Variants in PPRC1 observed in about 807,000 individuals in gnomAD.
The protein encoded by PPRC1 is PPARG related coactivator 1.
Under a neutral mutation model 132.5 loss-of-function variants are expected in PPRC1, and 23 were observed. The observed-to-expected ratio is 0.17, with a 90% CI of 0.12 to 0.25. PPRC1 has a LOEUF of 0.25. Ranked by LOEUF, PPRC1 falls within the 10% of genes least tolerant of loss-of-function variation. PPRC1 has a pLI of 1.00. For synonymous variants in PPRC1, 872 were observed against 833.5 expected (o/e 1.05, Z -0.80); for missense variants, 2,006 against 2,089.1 (o/e 0.96, Z 0.78).
At chr10:102,122,942 A>G in the PPRC1 span, among the ~76,000 whole-genome samples, 119 of 152,308 alleles carry the variant, frequency 7.8e-4, 1 homozygote, top group Non-Finnish European at 1.4e-3. Context: ...GGAAAACTGA[A>G]GTTCAGAGAT....
At chr10:102,135,364 A>G (rs535046658) in intron 1 of PPRC1, among the ~76,000 whole-genome samples, 1 of 152,116 alleles carries the variant, frequency 6.6e-6, no homozygotes, top group Admixed American at 6.5e-5. Flanking sequence ...TAAGCTATAT[A>G]TATATATATT....
In PPRC1 at chr10:102,141,274, C is replaced by T. The variant is rs531362391; in HGVS notation, c.2766C>T (p.Ser922=). The T allele has an allele frequency of 2.5e-6, 4 of 1,614,068 alleles. No homozygotes were observed. The African/African-American group carries it at 4.0e-5, about 16-fold the overall frequency. ...DPFTHYAPLP[S]WPCYPHVSPS... is the part of the protein sequence containing the mutation. ...TTACTCACTATGCCCCCTTGCCATC[C>T]TGGCCTTGTTATCCTCATGTGTCCC... is the stretch of plus-strand genomic sequence containing the variant. The change falls in exon 5 of 14, where the codon TCC becomes TCT. Residue 922 remains serine, a synonymous_variant. Transcript: ENST00000278070.
rs2068779973 is a variant in PPRC1, at chr10:102,137,818, T to C, written c.154-32T>C. The stretch of plus-strand genomic sequence containing the variant: ...ATATTATCAGCTGCTGCCAGAGAGC[T>C]CATACCCTTCTCACCTTCTTCTCTG... On this transcript the variant is annotated intron_variant, in intron 1 of 13. Coordinates refer to ENST00000278070, the MANE Select transcript of PPRC1 (RefSeq NM_015062.5). The C allele has an allele frequency of 2.5e-6, 4 of 1,602,708 alleles. No homozygotes were observed. In the East Asian group the frequency reaches 8.9e-5, roughly 36 times the overall value.
At position 102,140,642 on chromosome 10, in the gene PPRC1, G is replaced by A; in HGVS notation, c.2134G>A (p.Glu712Lys). ...GGGTTCAGCACCCCAGCTCCTCGTG[G>A]AGTCAGAGTCCTTGGACCCACCAAA... Reference protein sequence around the residue: ...LGGSAPQLLVESESLDPPKTI... With the variant: ...LGGSAPQLLVKSESLDPPKTI... The change falls in exon 5 of 14, where the codon GAG (glutamate) becomes AAG (lysine). Residue 712 changes from glutamate to lysine, a missense_variant. Glu to Lys is a moderately conservative substitution (Grantham distance 56). Around this residue, in one of 2 missense-constraint regions of PPRC1, gnomAD observed 1,914 missense variants for 1,917.2 expected, o/e 1.00. Transcript: ENST00000278070. 6.2e-7 allele frequency: 1 copy of A among 1,614,076 alleles called. No individual in the cohort carries two copies. The highest frequency in any genetic ancestry group is 8.5e-7 in the Non-Finnish European group (1 of 1,180,026).
chr10:102,138,999 G>A lies in PPRC1; in HGVS notation c.591+19G>A, dbSNP rs1208009804. The stretch of plus-strand genomic sequence containing the variant: ...GAGTGGGGTAAGCCTGACCTAGAGG[G>A]TTTCAGAAACTCCCAGGTGGGAGGA... On this transcript the variant is annotated intron_variant, in intron 4 of 13. Coordinates refer to ENST00000278070, the MANE Select transcript of PPRC1 (RefSeq NM_015062.5). 7 of 1,609,152 alleles carry A rather than the reference G, an allele frequency of 4.4e-6. No homozygotes were observed. Among genetic ancestry groups the A allele is most frequent in the Non-Finnish European group, 6.0e-6 (7 of 1,175,482 alleles).
chr10:102,143,474 C>A (rs978443152), intron 6 of PPRC1, among the ~76,000 whole-genome samples: 1 of 151,896 alleles, frequency 6.6e-6, no homozygotes, highest in Non-Finnish European at 1.5e-5. Flanking sequence ...TGGCGGGCAC[C>A]TGTAATCCCA....
chr10:102,128,355 G>A (rs1472722240), upstream of PPRC1, among the ~76,000 whole-genome samples: 2 of 151,836 alleles, frequency 1.3e-5, no homozygotes, highest in South Asian at 2.1e-4. Context: ...GGCCAGAATG[G>A]TCTCCATCTC....
In PPRC1 at chr10:102,139,376, G is replaced by C; in HGVS notation, c.868G>C (p.Ala290Pro). The C allele has an allele frequency of 1.9e-6, 3 of 1,614,242 alleles. No individual in the cohort carries two copies. The highest frequency in any genetic ancestry group is 1.7e-6 in the Non-Finnish European group (2 of 1,180,052). ...CPEEEDKATA[A>P]EMAVPAAGDE... ...TGAGGAGGAAGATAAAGCAACAGCAGCAGAGATGGCAGTGCCAGCAGCTGG... is the reference window on the plus strand; with the variant it reads ...TGAGGAGGAAGATAAAGCAACAGCACCAGAGATGGCAGTGCCAGCAGCTGG... The change falls in exon 5 of 14, where the codon GCA (alanine) becomes CCA (proline). Residue 290 changes from alanine to proline, a missense_variant. This residue lies in a region of PPRC1 where 1,914 missense variants were observed against 1,917.2 expected (regional missense o/e 1.00). Coordinates refer to ENST00000278070, the MANE Select transcript of PPRC1 (RefSeq NM_015062.5).
At position 102,141,954 on chromosome 10, in the gene PPRC1, C is replaced by T; in HGVS notation, c.3446C>T (p.Pro1149Leu). Residue 1149 changes from proline (P) to leucine (L), a missense_variant, in exon 5 of 14, where the codon CCA becomes CTA. By Grantham distance (98) the Pro-to-Leu change is moderately conservative. Around this residue, in one of 2 missense-constraint regions of PPRC1, gnomAD observed 1,914 missense variants for 1,917.2 expected, o/e 1.00. Coordinates refer to ENST00000278070, the MANE Select transcript of PPRC1 (RefSeq NM_015062.5). ...RLRKLSFLPT[P>L]RTQGSEDVVQ... ...AGGAAGCTGTCCTTCCTGCCTACCC[C>T]ACGTACTCAGGGTTCTGAAGATGTG... 6.2e-7 allele frequency: 1 copy of T among 1,613,920 alleles called. No homozygotes were observed. Among genetic ancestry groups the T allele is most frequent in the Non-Finnish European group, 8.5e-7 (1 of 1,179,872 alleles).
chr10:102,135,093 C>T (rs571204781), intron 1 of PPRC1, among the ~76,000 whole-genome samples: 9 of 152,016 alleles, frequency 5.9e-5, no homozygotes, highest in Admixed American at 3.9e-4. Flanking sequence ...CAGGATAGAC[C>T]GATGATAAAT....
At position 102,146,791 on chromosome 10, in the gene PPRC1, G is replaced by C; in HGVS notation, c.3799G>C (p.Gly1267Arg). The change falls in exon 9 of 14, where the codon GGA (glycine) becomes CGA (arginine). Residue 1267 changes from glycine (G) to arginine (R), a missense_variant. Physicochemically the swap from Gly to Arg is moderately radical, Grantham distance 125. This residue lies in a region of PPRC1 where 1,914 missense variants were observed against 1,917.2 expected (regional missense o/e 1.00). Coordinates refer to ENST00000278070, the MANE Select transcript of PPRC1 (RefSeq NM_015062.5). Reference sequence around the variant, plus strand: ...CCAGGAGGGAACCCTGAAGCCTGAAGGAGTTACGGAGGCCAAACATCCAGC... The same window carrying C: ...CCAGGAGGGAACCCTGAAGCCTGAACGAGTTACGGAGGCCAAACATCCAGC... ...TAQEGTLKPE[G>R]VTEAKHPAAV... 1 of 1,614,086 alleles carries C rather than the reference G, an allele frequency of 6.2e-7. No homozygotes were observed. Among genetic ancestry groups the C allele is most frequent in the Non-Finnish European group, 8.5e-7 (1 of 1,179,998 alleles).
At chr10:102,123,818 G>C in the PPRC1 span, among the ~76,000 whole-genome samples, 21 of 144,954 alleles carry the variant, frequency 1.4e-4, no homozygotes, top group South Asian at 4.6e-3. Flanking sequence ...ATAGGCGTGA[G>C]CCACCACGCC....
Position 102,140,230 on chromosome 10 carries a change from C to T in PPRC1, c.1722C>T (p.Leu574=). 3.1e-6 allele frequency: 5 copies of T among 1,614,252 alleles called. No homozygotes were observed. Among genetic ancestry groups the T allele is most frequent in the South Asian group, 1.1e-5 (1 of 91,086 alleles). ...AAACCAATCCTATACCAACCCATCTCTCATTGGTCGACTCTGCCCAAGCCA... is the reference window on the plus strand; with the variant it reads ...AAACCAATCCTATACCAACCCATCTTTCATTGGTCGACTCTGCCCAAGCCA... ...TIQTNPIPTH[L]SLVDSAQASP... is the part of the protein sequence containing the mutation. The change falls in exon 5 of 14, where the codon CTC becomes CTT. Residue 574 remains leucine (L), a synonymous_variant. Transcript: ENST00000278070.
the PPRC1 span, among the ~76,000 whole-genome samples, chr10:102,124,682 A>T: frequency 3.8e-5 from 5 of 131,098 alleles, no homozygotes; most frequent in Non-Finnish European, 7.9e-5. Flanking sequence ...TTGCTCTGTC[A>T]CCCAGGCTGG....
chr10:102,144,887 G>A (rs1205954201), intron 7 of PPRC1, 133 bp from the exon 8 acceptor site: 1 of 716,566 alleles, frequency 1.4e-6, no homozygotes, highest in African/African-American at 1.8e-5. Flanking sequence ...TGTGCAGGAA[G>A]AAGATGATGG....
In PPRC1 at chr10:102,148,241, A is replaced by G; in HGVS notation, c.4401-131A>G. The G allele has an allele frequency of 9.6e-7, 1 of 1,046,914 alleles. No individual in the cohort carries two copies. Among genetic ancestry groups the G allele is most frequent in the Non-Finnish European group, 1.4e-6 (1 of 715,996 alleles). The allele number at this position is 1,046,914 out of a possible 1,614,324, so 64.9% of individuals were successfully genotyped here. ...ATCTCTGAATGAAAATTGTTCTTCTAGACCTCTTCTACTCTGCTTTGTCTT... is the reference window on the plus strand; with the variant it reads ...ATCTCTGAATGAAAATTGTTCTTCTGGACCTCTTCTACTCTGCTTTGTCTT... On this transcript the variant is annotated intron_variant, in intron 9 of 13. Coordinates refer to ENST00000278070, the MANE Select transcript of PPRC1 (RefSeq NM_015062.5). This position sits in a 1 kb window ranked among gnomAD's most constrained non-coding sequence, Gnocchi z 4.2.
intron 1 of PPRC1, among the ~76,000 whole-genome samples, chr10:102,136,888 C>G (rs544564736): frequency 1.3e-5 from 2 of 152,264 alleles, no homozygotes; most frequent in South Asian, 2.1e-4. Context: ...CACGAGAGGC[C>G]GTAAATGCTG....
Position 102,141,728 on chromosome 10 carries a change from G to C in PPRC1, c.3220G>C (p.Val1074Leu). 3.1e-6 allele frequency: 5 copies of C among 1,613,998 alleles called. No homozygotes were observed. The highest frequency in any genetic ancestry group is 4.2e-6 in the Non-Finnish European group (5 of 1,179,930). ...TCCGAAACACAAGGTGTCTGCCCTG[G>C]TGCAAAGTCCCCAGATGAAGGCTCT... The part of the protein sequence containing the change: ...PHPKHKVSAL[V>L]QSPQMKALAC... The change falls in exon 5 of 14, where the codon GTG becomes CTG. Residue 1074 changes from valine (V) to leucine (L), a missense_variant. This residue lies in a region of PPRC1 where 1,914 missense variants were observed against 1,917.2 expected (regional missense o/e 1.00). Transcript: ENST00000278070.
In PPRC1 at chr10:102,141,950, A is replaced by G; in HGVS notation, c.3442A>G (p.Thr1148Ala). 6.2e-7 allele frequency: 1 copy of G among 1,613,896 alleles called. No individual in the cohort carries two copies. Among genetic ancestry groups the G allele is most frequent in the South Asian group, 1.1e-5 (1 of 91,074 alleles). The change falls in exon 5 of 14, where the codon ACC becomes GCC. Residue 1148 changes from threonine (T) to alanine (A), a missense_variant. Around this residue, in one of 2 missense-constraint regions of PPRC1, gnomAD observed 1,914 missense variants for 1,917.2 expected, o/e 1.00. Coordinates refer to ENST00000278070, the MANE Select transcript of PPRC1 (RefSeq NM_015062.5). ...TCTAAGGAAGCTGTCCTTCCTGCCT[A>G]CCCCACGTACTCAGGGTTCTGAAGA... Reference protein sequence around the residue: ...ARLRKLSFLPTPRTQGSEDVV... With the variant: ...ARLRKLSFLPAPRTQGSEDVV...
Sources: allele counts gnomAD v4.1 joint callset (sites outside exome capture counted in the v4.1 genomes callset), GRCh38; gene constraint gnomAD v4.1.1; regional missense constraint gnomAD v4.1.1; non-coding constraint Gnocchi (gnomAD v3.1); transcripts MANE v1.5; gene names NCBI Gene and HGNC (gene_info 2026-07-23, HGNC 2026-07-21).